Variants in MFAP3 observed in about 807,000 individuals in gnomAD.
MFAP3 encodes microfibril associated protein 3.
In MFAP3, 8 loss-of-function variants were observed where a neutral mutation model predicts 20.5. That is an observed-to-expected ratio of 0.39 (90% CI 0.23 to 0.70). The LOEUF is 0.70. Ranked by LOEUF, MFAP3 falls within the 30% of genes least tolerant of loss-of-function variation. The pLI, the probability that MFAP3 is intolerant of heterozygous loss-of-function variation, is 0.44. For synonymous variants in MFAP3, 140 were observed against 154.0 expected, an observed-to-expected ratio of 0.91 and a Z score of 0.67; for missense variants, 398 against 444.6, an observed-to-expected ratio of 0.90 and a Z score of 0.94.
rs1429051526 is a variant in MFAP3 at position 154,055,732 on chromosome 5, A to G, written c.*2019A>G. On this transcript the variant is annotated 3_prime_UTR_variant, in exon 3 of 3. Coordinates refer to ENST00000522782, the MANE Select transcript of MFAP3 (RefSeq NM_005927.5). ...GCGATCGTCCTGCTTCAGCCTCCCA[A>G]GCAGCTAGGACTACAGGTGTGCACC... is the stretch of plus-strand genomic sequence containing the variant. Among the ~76,000 whole-genome samples the G allele has an allele frequency of 1.3e-5, 2 of 152,082 alleles. No homozygotes were observed. Among genetic ancestry groups the G allele is most frequent in the Admixed American group, 1.3e-4 (2 of 15,266 alleles).
chr5:154,048,730 A>ATCTG (rs1455747600), intron 1 of MFAP3, among the ~76,000 whole-genome samples: 4 of 152,168 alleles, frequency 2.6e-5, no homozygotes, highest in Non-Finnish European at 4.4e-5. Flanking sequence ...GTGTCTAACA[A>ATCTG]TCTGTCCCTG....
intron 2 of MFAP3, among the ~76,000 whole-genome samples, chr5:154,052,487 T>A (rs1003505817): frequency 6.6e-6 from 1 of 152,216 alleles, no homozygotes; most frequent in Non-Finnish European, 1.5e-5. Flanking sequence ...TTTAAAATAC[T>A]GTTATTTTAA....
Position 154,053,000 on chromosome 5 carries a change from G to A in MFAP3, c.376G>A (p.Val126Ile), listed in dbSNP as rs563730994. The part of the protein sequence containing the change: ...FDDRGLYTCF[V>I]TSPIRASYSV... ...TGACCGTGGGCTCTATACCTGTTTC[G>A]TCACCTCTCCAATTCGTGCCTCCTA... The change falls in exon 3 of 3, where the codon GTC (valine) becomes ATC (isoleucine). Residue 126 changes from valine to isoleucine, a missense_variant. Physicochemically the swap from Val to Ile is conservative, Grantham distance 29. Transcript: ENST00000522782. 554 of 1,613,582 alleles carry A rather than the reference G, an allele frequency of 3.4e-4. 7 individuals are homozygous for A. In the South Asian group the frequency reaches 5.4e-3, roughly 16 times the overall value.
intron 1 of MFAP3, among the ~76,000 whole-genome samples, chr5:154,043,415 G>T (rs942820786): frequency 1.3e-5 from 2 of 151,994 alleles, no homozygotes; most frequent in African/African-American, 2.4e-5. Flanking sequence ...GCCAGGCGTG[G>T]TGGTGCATGC....
At chr5:154,042,606 T>A (rs1772979750) in intron 1 of MFAP3, among the ~76,000 whole-genome samples, 1 of 152,238 alleles carries the variant, frequency 6.6e-6, no homozygotes, top group Non-Finnish European at 1.5e-5. Context: ...TTTGTGTTTA[T>A]TCTTTGCAAA....
In MFAP3 at chr5:154,053,466, G is replaced by T; in HGVS notation, c.842G>T (p.Gly281Val). 6.2e-7 allele frequency: 1 copy of T among 1,613,894 alleles called. No homozygotes were observed. The highest frequency in any genetic ancestry group is 8.5e-7 in the Non-Finnish European group (1 of 1,179,952). Residue 281 changes from glycine to valine, a missense_variant, in exon 3 of 3, where the codon GGT becomes GTT. By Grantham distance (109) the Gly-to-Val change is moderately radical. Coordinates refer to ENST00000522782, the MANE Select transcript of MFAP3 (RefSeq NM_005927.5). Reference protein sequence around the residue: ...IKERPALNAQGGIYVINPEMG... With the variant: ...IKERPALNAQVGIYVINPEMG... ...GAGAGACCTGCCTTGAATGCTCAAGGTGGCATCTATGTCATTAACCCAGAG... is the reference window on the plus strand; with the variant it reads ...GAGAGACCTGCCTTGAATGCTCAAGTTGGCATCTATGTCATTAACCCAGAG...
chr5:154,045,287 A>G (rs1773050618), intron 1 of MFAP3, among the ~76,000 whole-genome samples: 2 of 152,236 alleles, frequency 1.3e-5, no homozygotes, highest in South Asian at 4.1e-4. Context: ...TTGGGTAAGT[A>G]GATCACGACA....
rs976760941 is a variant in MFAP3 at position 154,056,811 on chromosome 5, C to G, written c.*3098C>G. Among the ~76,000 whole-genome samples, 9 of 152,110 alleles carry G rather than the reference C, an allele frequency of 5.9e-5. No homozygotes were observed. The highest frequency in any genetic ancestry group is 1.0e-4 in the Non-Finnish European group (7 of 68,034). ...CTCCAAATTGTGTATGTATATGTTA[C>G]GATGGTTTAATTCTTGAGTCAGGGC... On this transcript the variant is annotated 3_prime_UTR_variant, in exon 3 of 3. Transcript: ENST00000522782.
chr5:154,042,457 C>T (rs1772976573), intron 1 of MFAP3, among the ~76,000 whole-genome samples: 1 of 152,138 alleles, frequency 6.6e-6, no homozygotes. Flanking sequence ...TGTGATAGCT[C>T]CAAGGTAGTA....
intron 1 of MFAP3, among the ~76,000 whole-genome samples, chr5:154,044,822 A>C (rs767467965): frequency 1.3e-5 from 2 of 152,168 alleles, no homozygotes; most frequent in African/African-American, 2.4e-5. Context: ...CTTTTTGTGA[A>C]CTTAATCTTT....
At chr5:154,050,666 A>AT (rs1486870049) in intron 2 of MFAP3, among the ~76,000 whole-genome samples, 11 of 122,002 alleles carry the variant, frequency 9.0e-5, no homozygotes, top group South Asian at 5.1e-4. Context: ...GAAATGAGAA[A>AT]TTTTTTTTTG....
At chr5:154,047,846 C>G (rs1365416708) in intron 1 of MFAP3, among the ~76,000 whole-genome samples, 1 of 152,156 alleles carries the variant, frequency 6.6e-6, no homozygotes, top group East Asian at 1.9e-4. Flanking sequence ...AATCAAAGTT[C>G]TGGAGAAAGC....
chr5:154,057,379 CTCT>C lies in MFAP3; in HGVS notation c.*3668_*3670del, dbSNP rs1275286085. Among the ~76,000 whole-genome samples, 3 of 152,092 alleles carry C rather than the reference CTCT, an allele frequency of 2.0e-5. No individual in the cohort carries two copies. The highest frequency in any genetic ancestry group is 4.4e-5 in the Non-Finnish European group (3 of 68,026). ...ATAAATACTTGCATTATAATTTTGTCTCTTTTTTAAAGAAAGTCATACTTGAAT... is the reference window on the plus strand; with the variant it reads ...ATAAATACTTGCATTATAATTTTGTCTTTTTAAAGAAAGTCATACTTGAAT... On this transcript the variant is annotated 3_prime_UTR_variant, in exon 3 of 3. Transcript: ENST00000522782.
intron 1 of MFAP3, among the ~76,000 whole-genome samples, chr5:154,040,095 G>A (rs1772889165): frequency 6.6e-6 from 1 of 152,158 alleles, no homozygotes; most frequent in South Asian, 2.1e-4. Flanking sequence ...GGAATCTTGG[G>A]AAGCCACTTA....
rs776364933 is a variant in MFAP3 at position 154,053,613 on chromosome 5, A to C, written c.989A>C (p.Glu330Ala). ...LQSETKSIDTESQGSSHFSPP... is the reference protein window; with the variant it reads ...LQSETKSIDTASQGSSHFSPP... ...TCAGAAACCAAAAGTATTGATACAG[A>C]GTCTCAAGGCAGCAGTCATTTCAGT... Residue 330 changes from glutamate to alanine, a missense_variant, in exon 3 of 3, where the codon GAG becomes GCG. Physicochemically the swap from Glu to Ala is moderately radical, Grantham distance 107. Transcript: ENST00000522782. 1 of 1,613,820 alleles carries C rather than the reference A, an allele frequency of 6.2e-7. No homozygotes were observed. The highest frequency in any genetic ancestry group is 8.5e-7 in the Non-Finnish European group (1 of 1,179,888).
chr5:154,044,815 T>C (rs1773039062), intron 1 of MFAP3, among the ~76,000 whole-genome samples: 1 of 152,192 alleles, frequency 6.6e-6, no homozygotes, highest in Non-Finnish European at 1.5e-5. Context: ...TCAATAACTT[T>C]TTGTGAACTT....
At position 154,054,861 on chromosome 5, in the gene MFAP3, TG is replaced by T. The variant is rs1159232978; in HGVS notation, c.*1150del. 3.0e-5 allele frequency: 5 copies of T among 167,114 alleles called. No homozygotes were observed. The highest frequency in any genetic ancestry group is 7.3e-5 in the Non-Finnish European group (5 of 68,108). The allele number at this position is 167,114 out of a possible 1,614,324, so 10.4% of individuals were successfully genotyped here. ...ACTTCAGATACATAATTCTGAGCTA[TG>T]GCTGCTTTTGTAGCCTTTCCAAGAA... On this transcript the variant is annotated 3_prime_UTR_variant, in exon 3 of 3. Coordinates refer to ENST00000522782, the MANE Select transcript of MFAP3 (RefSeq NM_005927.5).
rs1465943400 is a variant in MFAP3, at chr5:154,057,169, C to T, written c.*3456C>T. 2.6e-5 allele frequency among the ~76,000 whole-genome samples: 4 copies of T among 152,170 alleles called. No homozygotes were observed. Among genetic ancestry groups the T allele is most frequent in the African/African-American group, 9.7e-5 (4 of 41,418 alleles). ...AGTCTCCACACACCAGCAAGTAGAA[C>T]CCAAGTGTATTGTATAAATATTTCC... On this transcript the variant is annotated 3_prime_UTR_variant, in exon 3 of 3. Coordinates refer to ENST00000522782, the MANE Select transcript of MFAP3 (RefSeq NM_005927.5).
intron 1 of MFAP3, among the ~76,000 whole-genome samples, chr5:154,042,663 C>G (rs971974280): frequency 6.6e-6 from 1 of 152,110 alleles, no homozygotes; most frequent in Non-Finnish European, 1.5e-5. Flanking sequence ...TTTTTCTCCC[C>G]TTTGCCGATT....
Sources: allele counts gnomAD v4.1 joint callset (sites outside exome capture counted in the v4.1 genomes callset), GRCh38; gene constraint gnomAD v4.1.1; transcripts MANE v1.5; gene names NCBI Gene and HGNC (gene_info 2026-07-23, HGNC 2026-07-21).